Variants in TANC1 observed in about 807,000 individuals in gnomAD.
TANC1 encodes protein TANC1.
TANC1 carries 77 observed loss-of-function variants against 149.7 expected under a neutral mutation model. The ratio of observed to expected loss-of-function variants is 0.51; its 90% confidence interval spans 0.43 to 0.62. The LOEUF (loss-of-function observed/expected upper bound fraction) is 0.62, where lower values mean the gene tolerates loss of function less well. TANC1 is among the 20% of genes least tolerant of loss of function. The pLI is 0.00. For synonymous variants in TANC1, 854 were observed against 925.0 expected (o/e 0.92, Z 1.39); for missense variants, 1,985 against 2,321.8 (o/e 0.85, Z 2.98).
intron 4 of TANC1, among the ~76,000 whole-genome samples, chr2:159,125,136 A>G (rs2049286964): frequency 6.6e-6 from 1 of 151,368 alleles, no homozygotes. Flanking sequence ...ACAACCAGGC[A>G]TGAATGAAAA....
rs758327408 is a variant in TANC1 at position 159,119,211 on chromosome 2, G to A, written c.260-16983G>A. On this transcript the variant is annotated intron_variant, in intron 4 of 26. Transcript: ENST00000263635. ...ACATGCGTAAGAGGTTTGAGCCTATGTAGGAAGTAGCCAGGGAGTCTACTG... is the reference window on the plus strand; with the variant it reads ...ACATGCGTAAGAGGTTTGAGCCTATATAGGAAGTAGCCAGGGAGTCTACTG... 4.6e-5 allele frequency among the ~76,000 whole-genome samples: 7 copies of A among 152,326 alleles called. No individual in the cohort carries two copies. In the South Asian group the frequency reaches 8.3e-4, roughly 18 times the overall value.
chr2:159,062,974 A>C lies in TANC1; in HGVS notation c.-15-2922A>C, dbSNP rs113846675. 5.2e-3 allele frequency among the ~76,000 whole-genome samples: 134 copies of C among 25,980 alleles called. 4 individuals carry two copies. The highest frequency in any genetic ancestry group is 7.1e-3 in the Non-Finnish European group (108 of 15,116). 17.0% of individuals were successfully genotyped at this position (25,980 alleles called of 152,430 possible). ...GGGCGACAGAGCGAGACTCCGTCTC[A>C]AAAAAAAAAAAAAAAAAAAAAGAAA... On this transcript the variant is annotated intron_variant, in intron 2 of 26. Coordinates refer to ENST00000263635, the MANE Select transcript of TANC1 (RefSeq NM_033394.3).
intron 3 of TANC1, among the ~76,000 whole-genome samples, chr2:159,082,720 G>A (rs1272431949): frequency 6.6e-6 from 1 of 152,196 alleles, no homozygotes; most frequent in African/African-American, 2.4e-5. Flanking sequence ...GGGATATGAG[G>A]CCTGAATGCA....
chr2:159,207,723 A>AAAAAC (rs1219970127), intron 19 of TANC1, among the ~76,000 whole-genome samples: 1 of 133,028 alleles, frequency 7.5e-6, no homozygotes, highest in East Asian at 2.0e-4. Context: ...AAAAAAAAAA[A>AAAAAC]AAAACAACTC....
intron 4 of TANC1, among the ~76,000 whole-genome samples, chr2:159,118,504 A>G (rs369486829): frequency 6.6e-6 from 1 of 152,070 alleles, no homozygotes; most frequent in Non-Finnish European, 1.5e-5. Flanking sequence ...TTTCTGCCCC[A>G]CTTTGTTGCC....
At chr2:159,112,336 A>C (rs2047810374) in intron 4 of TANC1, among the ~76,000 whole-genome samples, 1 of 151,668 alleles carries the variant, frequency 6.6e-6, no homozygotes, top group Admixed American at 6.6e-5. Context: ...GCTCACTGCA[A>C]CCTCCCCCTC....
chr2:159,098,254 A>G (rs773871132), intron 4 of TANC1, among the ~76,000 whole-genome samples: 5 of 152,198 alleles, frequency 3.3e-5, no homozygotes, highest in Non-Finnish European at 7.4e-5. Flanking sequence ...ATATGCAGAT[A>G]CTTGCCACTA....
At chr2:159,134,725 C>A (rs1455903945) in intron 4 of TANC1, among the ~76,000 whole-genome samples, 1 of 152,026 alleles carries the variant, frequency 6.6e-6, no homozygotes, top group Non-Finnish European at 1.5e-5. Flanking sequence ...ACCTCATGAT[C>A]CACCCGCCTC....
chr2:159,228,972 G>C (rs2060187172), intron 26 of TANC1, 76 bp downstream of exon 26: 1 of 1,188,834 alleles, frequency 8.4e-7, no homozygotes. Flanking sequence ...ATTTGGGGAG[G>C]TTTTGCTGCA....
chr2:159,118,944 C>T (rs1270822935), intron 4 of TANC1, among the ~76,000 whole-genome samples: 1 of 152,210 alleles, frequency 6.6e-6, no homozygotes, highest in East Asian at 1.9e-4. Context: ...GGTACACAAA[C>T]AGCAGACATC....
chr2:159,197,503 C>T (rs757872083), intron 18 of TANC1, among the ~76,000 whole-genome samples: 4 of 152,052 alleles, frequency 2.6e-5, no homozygotes, highest in Non-Finnish European at 4.4e-5. Flanking sequence ...TTAGTAAATT[C>T]GAGTGGGAAG....
intron 2 of TANC1, among the ~76,000 whole-genome samples, chr2:159,010,259 G>C (rs954446417): frequency 2.0e-5 from 3 of 152,154 alleles, no homozygotes; most frequent in African/African-American, 7.2e-5. Flanking sequence ...ACATAAAAAA[G>C]ACTTAGTCAC....
chr2:159,121,880 A>G (rs1574810170), intron 4 of TANC1, among the ~76,000 whole-genome samples: 1 of 152,206 alleles, frequency 6.6e-6, no homozygotes, highest in African/African-American at 2.4e-5. Flanking sequence ...AGCAACATCC[A>G]GGCCCACTGA....
intron 14 of TANC1, among the ~76,000 whole-genome samples, chr2:159,180,930 C>A (rs1462638548): frequency 6.6e-6 from 1 of 152,028 alleles, no homozygotes; most frequent in African/African-American, 2.4e-5. Context: ...AAGCTCCCAG[C>A]GTAAGTAAAG....
intron 21 of TANC1, 150 bp downstream of exon 21, chr2:159,219,511 A>T: frequency 3.1e-6 from 4 of 1,275,870 alleles, no homozygotes; most frequent in Non-Finnish European, 3.3e-6. Context: ...ACACAGCCAC[A>T]TGCCTGGTAT....
chr2:159,130,107 C>A (rs1458574451), intron 4 of TANC1, among the ~76,000 whole-genome samples: 1 of 152,166 alleles, frequency 6.6e-6, no homozygotes, highest in East Asian at 1.9e-4. Context: ...TGGTTGTCAG[C>A]TAATACCAGA....
intron 2 of TANC1, chr2:159,056,953 C>T (rs1043084938): frequency 1.8e-5 from 4 of 218,838 alleles, no homozygotes; most frequent in African/African-American, 9.1e-5. Flanking sequence ...CGCAAATATT[C>T]CACTAACCCA....
intron 2 of TANC1, among the ~76,000 whole-genome samples, chr2:159,012,970 G>A (rs906426665): frequency 6.6e-6 from 1 of 152,062 alleles, no homozygotes; most frequent in Non-Finnish European, 1.5e-5. Flanking sequence ...TTTAGCCAGG[G>A]TATATAAATT....
At chr2:159,099,596 C>G (rs1262981927) in intron 4 of TANC1, among the ~76,000 whole-genome samples, 2 of 151,958 alleles carry the variant, frequency 1.3e-5, no homozygotes, top group East Asian at 3.9e-4. Context: ...TGTGTGTGCG[C>G]ACACATTTTC....
Sources: allele counts gnomAD v4.1 joint callset (sites outside exome capture counted in the v4.1 genomes callset), GRCh38; gene constraint gnomAD v4.1.1; transcripts MANE v1.5; gene names NCBI Gene and HGNC (gene_info 2026-07-23, HGNC 2026-07-21).